The following UBXN7 variants were observed in gnomAD, a reference collection of about 807,000 sequenced individuals.
UBXN7 encodes the protein UBX domain-containing protein 7.
UBXN7 carries 9 observed loss-of-function variants against 58.0 expected under a neutral mutation model. The ratio of observed to expected loss-of-function variants is 0.16; its 90% confidence interval spans 0.09 to 0.27. The LOEUF (loss-of-function observed/expected upper bound fraction) is 0.27. Ranked by LOEUF, UBXN7 falls within the 10% of genes least tolerant of loss-of-function variation. The probability of loss-of-function intolerance (pLI) is 1.00; values close to 1 mark genes in which losing one functional copy is unlikely to be tolerated. For missense variants in UBXN7, 328 were observed against 599.6 expected (o/e 0.55, Z 4.73); for synonymous variants, 208 against 205.0 (o/e 1.01, Z -0.12).
intron 5 of UBXN7, among the ~76,000 whole-genome samples, chr3:196,373,821 G>A (rs956945332): frequency 6.6e-5 from 10 of 152,128 alleles, no homozygotes; most frequent in African/African-American, 1.7e-4. Context: ...GCCTCCAAAA[G>A]TCTTGGGATT....
intron 1 of UBXN7, among the ~76,000 whole-genome samples, chr3:196,416,972 C>CAGGAAAA (rs1277443533): frequency 6.6e-6 from 1 of 152,076 alleles, no homozygotes; most frequent in Non-Finnish European, 1.5e-5. Flanking sequence ...CAACTTAGGG[C>CAGGAAAA]AGGAAAAGAC....
chr3:196,405,286 G>A (rs1188799338), intron 2 of UBXN7, among the ~76,000 whole-genome samples: 5 of 151,590 alleles, frequency 3.3e-5, no homozygotes, highest in Admixed American at 6.6e-5. Flanking sequence ...CCTGGTCAAC[G>A]TGGTGCAACC....
chr3:196,413,098 T>C (rs1478096786), intron 1 of UBXN7, among the ~76,000 whole-genome samples: 2 of 152,144 alleles, frequency 1.3e-5, no homozygotes, highest in Non-Finnish European at 2.9e-5. Flanking sequence ...TTCAGCACTT[T>C]GGGAGGCCGA....
intron 8 of UBXN7, among the ~76,000 whole-genome samples, chr3:196,367,795 T>G (rs1728710638): frequency 1.3e-5 from 2 of 152,160 alleles, no homozygotes; most frequent in Admixed American, 1.3e-4. Flanking sequence ...CTGCCTGCAC[T>G]CTAGCTGCAA....
rs1179864500 is a variant in UBXN7, at chr3:196,375,004, GAGGA to G, written c.469-2966_469-2963del. 2.4e-3 allele frequency among the ~76,000 whole-genome samples: 89 copies of G among 37,506 alleles called. 2 individuals carry two copies. Among genetic ancestry groups the G allele is most frequent in the African/African-American group, 6.1e-3 (41 of 6,726 alleles). The allele number at this position is 37,506 out of a possible 152,430, so 24.6% of individuals were successfully genotyped here. A position where few individuals can be genotyped will look rare whatever the true frequency, so the allele number is the denominator to read the frequency against. ...GAAGGAAGGGAGGGAGGGAGGGAGGGAGGAAGGAAGGAAGGAAGGAAGGAAGGAA... is the reference window on the plus strand; with the variant it reads ...GAAGGAAGGGAGGGAGGGAGGGAGGGAGGAAGGAAGGAAGGAAGGAAGGAA... On this transcript the variant is annotated intron_variant, in intron 5 of 10. Transcript: ENST00000296328.
Position 196,356,678 on chromosome 3 carries a change from C to G in UBXN7, c.*7G>C. 6.3e-7 allele frequency: 1 copy of G among 1,593,012 alleles called. No individual in the cohort carries two copies. Among genetic ancestry groups the G allele is most frequent in the South Asian group, 1.2e-5 (1 of 86,802 alleles). ...AGGGGTAAGCTGAGAGAGGTCAAGC[C>G]ATGGTGTTAATTTCTTTCCTGTACA... On this transcript the variant is annotated 3_prime_UTR_variant, in exon 11 of 11. Transcript: ENST00000296328.
intron 5 of UBXN7, among the ~76,000 whole-genome samples, chr3:196,373,387 C>G (rs1253371747): frequency 6.6e-6 from 1 of 152,100 alleles, no homozygotes; most frequent in African/African-American, 2.4e-5. Flanking sequence ...GCATAAAGAC[C>G]CATGAAATGC....
rs1479296066 is a variant in UBXN7, at chr3:196,388,037, C to T, written c.468+3776G>A. Among the ~76,000 whole-genome samples the T allele has an allele frequency of 5.3e-5, 8 of 151,994 alleles. No individual in the cohort carries two copies. The East Asian group carries it at 5.8e-4, about 11-fold the overall frequency. ...TATTCACAACAGCAAAGACTTGGAACCAACCCAAATGTCCATCAATGATAG... is the reference window on the plus strand; with the variant it reads ...TATTCACAACAGCAAAGACTTGGAATCAACCCAAATGTCCATCAATGATAG... On this transcript the variant is annotated intron_variant, in intron 5 of 10. Coordinates refer to ENST00000296328, the MANE Select transcript of UBXN7 (RefSeq NM_015562.2).
At chr3:196,416,758 C>A (rs529537216) in intron 1 of UBXN7, among the ~76,000 whole-genome samples, 20 of 152,284 alleles carry the variant, frequency 1.3e-4, no homozygotes, top group African/African-American at 4.8e-4. Flanking sequence ...TGAAGACTTA[C>A]TAGAGTTAAG....
At chr3:196,429,724 A>G (rs1265822570) in intron 1 of UBXN7, among the ~76,000 whole-genome samples, 1 of 152,234 alleles carries the variant, frequency 6.6e-6, no homozygotes. Flanking sequence ...GAAATCAATC[A>G]TGTGTTTCTA....
chr3:196,404,517 C>T (rs1693959718), intron 2 of UBXN7, among the ~76,000 whole-genome samples: 3 of 152,170 alleles, frequency 2.0e-5, no homozygotes, highest in Non-Finnish European at 4.4e-5. Flanking sequence ...CCACCTCGGC[C>T]TCCCAAAGTG....
intron 4 of UBXN7, 125 bp downstream of exon 4, chr3:196,393,429 G>A: frequency 1.2e-6 from 1 of 868,180 alleles, no homozygotes; most frequent in Non-Finnish European, 1.7e-6. Context: ...ATCACATTCT[G>A]GATCCATAAT....
intron 4 of UBXN7, among the ~76,000 whole-genome samples, chr3:196,393,202 A>G (rs933062080): frequency 5.9e-5 from 9 of 152,220 alleles, no homozygotes; most frequent in African/African-American, 1.7e-4. Flanking sequence ...TCAATCTCTT[A>G]TAATAACCAT....
At chr3:196,390,672 C>T (rs945075953) in intron 5 of UBXN7, among the ~76,000 whole-genome samples, 4 of 144,588 alleles carry the variant, frequency 2.8e-5, no homozygotes, top group African/African-American at 1.0e-4. Flanking sequence ...ACCTGGGAGG[C>T]GGAGGTTGCA....
chr3:196,370,885 T>C (rs903189005), intron 6 of UBXN7, among the ~76,000 whole-genome samples: 3 of 147,886 alleles, frequency 2.0e-5, no homozygotes, highest in African/African-American at 5.0e-5. Context: ...AAAAATTATA[T>C]GGGCATAGTG....
intron 5 of UBXN7, 82 bp from the exon 6 acceptor site, chr3:196,372,124 T>G: frequency 6.9e-7 from 1 of 1,455,004 alleles, no homozygotes; most frequent in Non-Finnish European, 9.1e-7. Context: ...GAGGTTGTTG[T>G]CTTTCATTAA....
chr3:196,372,073 A>G, intron 5 of UBXN7, 31 bp from the exon 6 acceptor site: 1 of 1,558,144 alleles, frequency 6.4e-7, no homozygotes, highest in African/African-American at 1.4e-5. Flanking sequence ...ATTTGTTAGA[A>G]ATAATTTCTA....
chr3:196,420,879 T>C, intron 1 of UBXN7, among the ~76,000 whole-genome samples: 1 of 152,188 alleles, frequency 6.6e-6, no homozygotes, highest in East Asian at 1.9e-4. Flanking sequence ...ATCTCTTCAC[T>C]ACCATCCAGA....
At chr3:196,431,976 G>A (rs1731073143) in intron 1 of UBXN7, 3 of 467,116 alleles carry the variant, frequency 6.4e-6, no homozygotes, top group South Asian at 2.0e-5. Flanking sequence ...TGAAGGAGGA[G>A]GAGGAGGGCG....
Sources: gnomAD v4.1 joint callset for allele counts (sites outside exome capture counted in the v4.1 genomes callset) on GRCh38, gnomAD v4.1.1 for gene constraint, MANE v1.5 for transcripts, NCBI Gene and HGNC (gene_info 2026-07-23, HGNC 2026-07-21) for gene names.